Variants in CABP1 observed in about 807,000 individuals in gnomAD.
CABP1 encodes calcium binding protein 1.
CABP1 carries 17 observed loss-of-function variants against 34.3 expected under a neutral mutation model. The observed-to-expected ratio is 0.50, with a 90% CI of 0.34 to 0.74. The LOEUF (loss-of-function observed/expected upper bound fraction) is 0.74, where lower values mean the gene tolerates loss of function less well. Ranked by LOEUF, CABP1 falls within the 30% of genes least tolerant of loss-of-function variation. CABP1 has a pLI of 0.01. For synonymous variants in CABP1, 198 were observed against 229.2 expected, an observed-to-expected ratio of 0.86 and a Z score of 1.23; for missense variants, 373 against 511.1, an observed-to-expected ratio of 0.73 and a Z score of 2.61.
At chr12:120,672,251 A>T (rs12298607), downstream of CABP1, among the ~76,000 whole-genome samples, 2,276 of 152,268 alleles carry the variant, frequency 0.015, 66 homozygotes, top group African/African-American at 0.051. Flanking sequence ...CATGAGGAGG[A>T]CATCAGTTTT....
chr12:120,651,164 G>A (rs566783268), intron 1 of CABP1, among the ~76,000 whole-genome samples: 1 of 125,272 alleles, frequency 8.0e-6, no homozygotes, highest in South Asian at 2.8e-4. Context: ...AGATCCCATT[G>A]CTACTGAAAG....
intron 1 of CABP1, among the ~76,000 whole-genome samples, chr12:120,642,981 C>T (rs1294065946): frequency 8.3e-6 from 1 of 119,906 alleles, no homozygotes; most frequent in Non-Finnish European, 1.7e-5. Flanking sequence ...TGCAGCTGAT[C>T]TGACTCAGCT....
chr12:120,666,240 G>A (rs961785986), intron 5 of CABP1, among the ~76,000 whole-genome samples: 1 of 150,022 alleles, frequency 6.7e-6, no homozygotes, highest in Non-Finnish European at 1.5e-5. Flanking sequence ...AAGAAGGGAG[G>A]GGGTACAGGT....
rs1458532706 is a variant in CABP1 at position 120,661,105 on chromosome 12, G to T, written c.974G>T (p.Ser325Ile). Residue 325 changes from serine to isoleucine, a missense_variant, in exon 5 of 6, where the codon AGT becomes ATT. By Grantham distance (142) the Ser-to-Ile change is moderately radical (BLOSUM62 -2). Coordinates refer to ENST00000316803, the MANE Select transcript of CABP1 (RefSeq NM_001033677.2). The surrounding 1 kb of genome is among the most constrained non-coding windows in gnomAD (Gnocchi z 5.1). The stretch of plus-strand genomic sequence containing the variant: ...AATGGTGATGGGGAAATAAGCACCA[G>T]TGAGCTGCGAGAGGCTATGAGGAAG... ...DTNGDGEIST[S>I]ELREAMRKLL... 1 of 1,613,926 alleles carries T rather than the reference G, an allele frequency of 6.2e-7. No individual in the cohort carries two copies. Among genetic ancestry groups the T allele is most frequent in the South Asian group, 1.1e-5 (1 of 91,076 alleles).
At chr12:120,671,354 C>T (rs1012851508), downstream of CABP1, among the ~76,000 whole-genome samples, 10 of 152,168 alleles carry the variant, frequency 6.6e-5, no homozygotes, top group Admixed American at 1.3e-4. Context: ...GCCGAGATTG[C>T]GCCACTGCAC....
chr12:120,680,541 A>G, the CABP1 span, among the ~76,000 whole-genome samples: 1 of 152,276 alleles, frequency 6.6e-6, no homozygotes, highest in Non-Finnish European at 1.5e-5. Flanking sequence ...TCAGATGGGG[A>G]TGACCTTCCA....
chr12:120,666,993 C>G lies in CABP1; in HGVS notation c.*93C>G, dbSNP rs1881037387. 6.8e-7 allele frequency: 1 copy of G among 1,478,802 alleles called. No homozygotes were observed. The highest frequency in any genetic ancestry group is 9.2e-7 in the Non-Finnish European group (1 of 1,092,560). The allele number at this position is 1,478,802 out of a possible 1,614,324, so 91.6% of individuals were successfully genotyped here. A position where few individuals can be genotyped will look rare whatever the true frequency, so the allele number is the denominator to read the frequency against. On this transcript the variant is annotated 3_prime_UTR_variant, in exon 6 of 6. Transcript: ENST00000316803. The stretch of plus-strand genomic sequence containing the variant: ...TCACCCGCTGTAGCCGCCGAGAGCC[C>G]AGGATGTACTGGCGGATGGGGCCTG...
rs1593169155 is a variant in CABP1, at chr12:120,661,575, T to C, written c.1087+357T>C. On this transcript the variant is annotated intron_variant, in intron 5 of 5. Coordinates refer to ENST00000316803, the MANE Select transcript of CABP1 (RefSeq NM_001033677.2). This position sits in a 1 kb window ranked among gnomAD's most constrained non-coding sequence, Gnocchi z 5.1. ...CTACCTATCCATCCATCTGTCCATT[T>C]ATCCATTCATCCATTCATCTACCTA... 2 of 204,436 alleles carry C rather than the reference T, an allele frequency of 9.8e-6. No individual in the cohort carries two copies. The highest frequency in any genetic ancestry group is 1.3e-4 in the East Asian group (1 of 7,928). 12.7% of individuals were successfully genotyped at this position (204,436 alleles called of 1,614,324 possible). A position where few individuals can be genotyped will look rare whatever the true frequency, so the allele number is the denominator to read the frequency against.
intron 1 of CABP1, chr12:120,656,016 T>A (rs1880178481): frequency 6.2e-7 from 1 of 1,602,304 alleles, no homozygotes; most frequent in East Asian, 2.3e-5. Context: ...GGAAAGCCCC[T>A]CCCGGGACCA....
At position 120,656,289 on chromosome 12, in the gene CABP1, A is replaced by G. The variant is rs1880207216; in HGVS notation, c.655-3589A>G. ...AGGCAGCCTGTACGTAAGTTGGCCCAGTGGAGCCCGCTGAACTTGGCTTCA... is the reference window on the plus strand; with the variant it reads ...AGGCAGCCTGTACGTAAGTTGGCCCGGTGGAGCCCGCTGAACTTGGCTTCA... On this transcript the variant is annotated intron_variant, in intron 1 of 5. Transcript: ENST00000316803. 4 of 1,527,908 alleles carry G rather than the reference A, an allele frequency of 2.6e-6. No individual in the cohort carries two copies. The East Asian group carries it at 9.2e-5, about 35-fold the overall frequency. 94.6% of individuals were successfully genotyped at this position (1,527,908 alleles called of 1,614,324 possible). A position where few individuals can be genotyped will look rare whatever the true frequency, so the allele number is the denominator to read the frequency against.
intron 1 of CABP1, among the ~76,000 whole-genome samples, chr12:120,652,464 C>G (rs1440163027): frequency 6.6e-6 from 1 of 151,888 alleles, no homozygotes; most frequent in African/African-American, 2.4e-5. Context: ...GAGAAAGAAG[C>G]TGGACTCAGA....
rs999097335 is a variant in CABP1 at position 120,641,922 on chromosome 12, C to G, written c.654+583C>G. 2.7e-5 allele frequency among the ~76,000 whole-genome samples: 4 copies of G among 148,384 alleles called. No homozygotes were observed. The highest frequency in any genetic ancestry group is 2.1e-4 in the South Asian group (1 of 4,716). On this transcript the variant is annotated intron_variant, in intron 1 of 5. Coordinates refer to ENST00000316803, the MANE Select transcript of CABP1 (RefSeq NM_001033677.2). This position sits in a 1 kb window ranked among gnomAD's most constrained non-coding sequence, Gnocchi z 6.7. Reference sequence around the variant, plus strand: ...TGGAGGGGCATGCAGAGCTGTGGCTCAAACTGGAACTTTGGGGTGGTTTAA... The same window carrying G: ...TGGAGGGGCATGCAGAGCTGTGGCTGAAACTGGAACTTTGGGGTGGTTTAA...
the CABP1 span, among the ~76,000 whole-genome samples, chr12:120,672,341 GAA>G: frequency 6.6e-6 from 1 of 152,060 alleles, no homozygotes. Context: ...ACAAGAAAAA[GAA>G]AGAGATGGGC....
rs150405960 is a variant in CABP1, at chr12:120,657,959, C to T, written c.655-1919C>T. On this transcript the variant is annotated intron_variant, in intron 1 of 5. Transcript: ENST00000316803. ...GTGTACACACGTGTGCTTACTCACT[C>T]GCTTTCACAGACTGCTGGTATGACC... 1.2e-4 allele frequency among the ~76,000 whole-genome samples: 19 copies of T among 152,278 alleles called. No individual in the cohort carries two copies. In the East Asian group the frequency reaches 3.7e-3, roughly 29 times the overall value.
chr12:120,677,370 G>A, the CABP1 span, among the ~76,000 whole-genome samples: 1 of 145,344 alleles, frequency 6.9e-6, no homozygotes, highest in Non-Finnish European at 1.5e-5. Flanking sequence ...TTACAGGCAT[G>A]AGCCACTATG....
At chr12:120,679,073 CAAA>C in the CABP1 span, among the ~76,000 whole-genome samples, 2 of 87,084 alleles carry the variant, frequency 2.3e-5, no homozygotes, top group African/African-American at 8.4e-5. Flanking sequence ...ACACCATCTC[CAAA>C]AAAAAAAAAA....
intron 1 of CABP1, among the ~76,000 whole-genome samples, chr12:120,648,437 T>C (rs1284571487): frequency 6.6e-6 from 1 of 152,242 alleles, no homozygotes; most frequent in East Asian, 1.9e-4. Context: ...GGACAAGTGA[T>C]ACTTCTTTCT....
downstream of CABP1, among the ~76,000 whole-genome samples, chr12:120,672,254 TCA>T (rs1449462141): frequency 6.6e-6 from 1 of 152,050 alleles, no homozygotes; most frequent in East Asian, 1.9e-4. Flanking sequence ...GAGGAGGACA[TCA>T]GTTTTTGACA....
chr12:120,666,473 CAAA>C (rs55848637), intron 5 of CABP1, among the ~76,000 whole-genome samples: 1,260 of 81,088 alleles, frequency 0.016, 19 homozygotes, highest in African/African-American at 0.056. Flanking sequence ...GACTCCATCT[CAAA>C]AAAAAAAAAA....
Sources: allele counts gnomAD v4.1 joint callset (sites outside exome capture counted in the v4.1 genomes callset), GRCh38; gene constraint gnomAD v4.1.1; non-coding constraint Gnocchi (gnomAD v3.1); transcripts MANE v1.5; gene names NCBI Gene and HGNC (gene_info 2026-07-23, HGNC 2026-07-21).